The following CCNL2 variants were observed in gnomAD, a reference collection of about 807,000 sequenced individuals.
The protein encoded by CCNL2 is cyclin L2.
CCNL2 carries 28 observed loss-of-function variants against 59.1 expected under a neutral mutation model. That is an observed-to-expected ratio of 0.47 (90% CI 0.35 to 0.65). The LOEUF (loss-of-function observed/expected upper bound fraction) is 0.65, where lower values mean the gene tolerates loss of function less well. CCNL2 is among the 30% of genes least tolerant of loss of function. CCNL2 has a pLI of 0.00. For missense variants in CCNL2, 714 were observed against 717.4 expected (o/e 1.00, Z 0.05); for synonymous variants, 342 against 288.6 (o/e 1.19, Z -1.88).
intron 5 of CCNL2, 60 bp downstream of exon 5, chr1:1,393,336 A>C: frequency 1.4e-6 from 2 of 1,464,236 alleles, no homozygotes; most frequent in Non-Finnish European, 1.9e-6. Context: ...CAAGTGCCTC[A>C]AGTCAACACA....
chr1:1,398,507 G>T, intron 2 of CCNL2, 90 bp downstream of exon 2: 1 of 1,572,528 alleles, frequency 6.4e-7, no homozygotes, highest in Non-Finnish European at 8.7e-7. Flanking sequence ...TGGGGGGCAA[G>T]TACTCACTCC....
intron 3 of CCNL2, among the ~76,000 whole-genome samples, chr1:1,397,892 G>A (rs2100358975): frequency 6.6e-6 from 1 of 152,292 alleles, no homozygotes; most frequent in South Asian, 2.1e-4. Context: ...CAGCCTGAAT[G>A]TCAATAGTGC....
At chr1:1,394,202 A>T (rs1644893295) in intron 4 of CCNL2, among the ~76,000 whole-genome samples, 1 of 152,164 alleles carries the variant, frequency 6.6e-6, no homozygotes, top group South Asian at 2.1e-4. Context: ...AAGCCGAACA[A>T]GCAGATGAGG....
intron 8 of CCNL2, among the ~76,000 whole-genome samples, chr1:1,389,888 G>C (rs1426003959): frequency 6.6e-6 from 1 of 152,168 alleles, no homozygotes; most frequent in Admixed American, 6.5e-5. Flanking sequence ...GAACTCAGGA[G>C]GCGGAGCTTG....
At position 1,390,602 on chromosome 1, in the gene CCNL2, A is replaced by G. The variant is rs750848109; in HGVS notation, c.760-39T>C. 9.0e-6 allele frequency: 14 copies of G among 1,556,506 alleles called. No homozygotes were observed. In the Middle Eastern group the frequency reaches 2.2e-3, roughly 244 times the overall value. The stretch of plus-strand genomic sequence containing the variant: ...CACTATCATCATTACACTTTCCTCA[A>G]CTTCACGGCCAGCAAGACTCAGGAC... On this transcript the variant is annotated intron_variant, in intron 6 of 10. Transcript: ENST00000400809.
Position 1,399,150 on chromosome 1 carries a change from G to A in CCNL2, c.157C>T (p.Leu53Phe). The A allele has an allele frequency of 6.2e-7, 1 of 1,612,290 alleles. No homozygotes were observed. Among genetic ancestry groups the A allele is most frequent in the Non-Finnish European group, 8.5e-7 (1 of 1,179,524 alleles). The change falls in exon 1 of 11, where the codon CTC becomes TTC. Residue 53 changes from leucine (L) to phenylalanine (F), a missense_variant. Physicochemically the swap from Leu to Phe is conservative, Grantham distance 22. This residue lies in a region of CCNL2 where 270 missense variants were observed against 254.9 expected (regional missense o/e 1.06). Transcript: ENST00000400809. ...SGVLITLENC[L>F]LPDDKLRFTP... ...AAACGGAGCTTGTCGTCAGGCAGGA[G>A]GCAGTTCTCCAAGGTGATGAGCACC...
At chr1:1,396,722 G>A (rs1461890568) in intron 3 of CCNL2, among the ~76,000 whole-genome samples, 2 of 151,430 alleles carry the variant, frequency 1.3e-5, no homozygotes, top group African/African-American at 4.9e-5. Flanking sequence ...TGGGATTACA[G>A]GCACCCGCAA....
intron 5 of CCNL2, chr1:1,392,620 G>A: frequency 6.9e-7 from 1 of 1,454,520 alleles, no homozygotes; most frequent in Non-Finnish European, 9.0e-7. Flanking sequence ...GGATTAACAA[G>A]AAGCACAATC....
At chr1:1,395,365 G>C (rs369412224) in intron 4 of CCNL2, 29 bp downstream of exon 4, 2 of 1,612,598 alleles carry the variant, frequency 1.2e-6, no homozygotes, top group Non-Finnish European at 1.7e-6. Flanking sequence ...GGCCTAGGCG[G>C]GCTCGCAGGG....
intron 2 of CCNL2, 119 bp from the exon 3 acceptor site, chr1:1,398,461 G>A (rs1645173924): frequency 6.4e-7 from 1 of 1,565,784 alleles, no homozygotes; most frequent in Admixed American, 2.0e-5. Flanking sequence ...GAAAAAAAAA[G>A]TCAAGAAACA....
chr1:1,391,033 T>C lies in CCNL2; in HGVS notation c.660-168A>G. On this transcript the variant is annotated intron_variant, in intron 5 of 10. Coordinates refer to ENST00000400809, the MANE Select transcript of CCNL2 (RefSeq NM_030937.6). Reference sequence around the variant, plus strand: ...AATCTCAAGAGTTAATGGAGAAATATTCTAGCTGCTTTTTCTAAATACAGT... The same window carrying C: ...AATCTCAAGAGTTAATGGAGAAATACTCTAGCTGCTTTTTCTAAATACAGT... 5.4e-6 allele frequency: 5 copies of C among 928,290 alleles called. No individual in the cohort carries two copies. In the South Asian group the frequency reaches 6.4e-5, roughly 12 times the overall value. The allele number at this position is 928,290 out of a possible 1,614,324, so 57.5% of individuals were successfully genotyped here.
intron 1 of CCNL2, 67 bp from the exon 2 acceptor site, chr1:1,398,738 C>T (rs972485743): frequency 1.4e-6 from 2 of 1,447,576 alleles, no homozygotes; most frequent in Non-Finnish European, 1.9e-6. Context: ...CGAAAGTCAT[C>T]GAGTAACGTG....
intron 4 of CCNL2, 86 bp from the exon 5 acceptor site, chr1:1,393,546 A>G: frequency 1.7e-6 from 2 of 1,192,260 alleles, no homozygotes; most frequent in Non-Finnish European, 2.5e-6. Context: ...AGCAAACAAG[A>G]GCCTCAAGCT....
At chr1:1,391,716 T>C (rs965475638) in intron 5 of CCNL2, 1 of 449,130 alleles carries the variant, frequency 2.2e-6, no homozygotes, top group Non-Finnish European at 3.7e-6. Context: ...TACAAAAATT[T>C]ACATTTTTTA....
At position 1,399,194 on chromosome 1, in the gene CCNL2, C is replaced by T; in HGVS notation, c.113G>A (p.Gly38Glu). The T allele has an allele frequency of 6.2e-7, 1 of 1,609,072 alleles. No homozygotes were observed. The highest frequency in any genetic ancestry group is 1.3e-5 in the African/African-American group (1 of 74,096). The change falls in exon 1 of 11, where the codon GGG (glycine) becomes GAG (glutamate). Residue 38 changes from glycine to glutamate, a missense_variant. Gly to Glu is a moderately conservative substitution (Grantham distance 98, BLOSUM62 -2). Transcript: ENST00000400809. ...GAGCACCCCGGAGTACAGCCTGTCCCCGATCAGCACCCCCTGCGACCCTGA... is the reference window on the plus strand; with the variant it reads ...GAGCACCCCGGAGTACAGCCTGTCCTCGATCAGCACCCCCTGCGACCCTGA... ...APSGSQGVLI[G>E]DRLYSGVLIT...
At chr1:1,391,499 G>C (rs1404004882) in intron 5 of CCNL2, 1 of 1,296,300 alleles carries the variant, frequency 7.7e-7, no homozygotes, top group Non-Finnish European at 1.0e-6. Context: ...CGTGCGGAGG[G>C]AGACTCCGCA....
At chr1:1,398,988 C>T in intron 1 of CCNL2, 31 bp downstream of exon 1, 1 of 1,569,500 alleles carries the variant, frequency 6.4e-7, no homozygotes, top group Non-Finnish European at 8.6e-7. Context: ...CAGCGGTTAC[C>T]TGGGCCGGAG....
rs1017810145 is a variant in CCNL2 at position 1,387,847 on chromosome 1, G to A, written c.1141C>T (p.Arg381Trp). The A allele has an allele frequency of 5.0e-6, 8 of 1,613,588 alleles. No individual in the cohort carries two copies. The highest frequency in any genetic ancestry group is 6.8e-6 in the Non-Finnish European group (8 of 1,179,968). The part of the protein sequence containing the change: ...VNGLPKGRES[R>W]SRSRSREQSY... ...TGCTCACGGCTCCGGCTCCGACTCCGACTCTCTCGCCCCTTTGGCAAGCTG... is the reference window on the plus strand; with the variant it reads ...TGCTCACGGCTCCGGCTCCGACTCCAACTCTCTCGCCCCTTTGGCAAGCTG... The change falls in exon 10 of 11, where the codon CGG becomes TGG. Residue 381 changes from arginine (R) to tryptophan (W), a missense_variant. Around this residue, in one of 5 missense-constraint regions of CCNL2, gnomAD observed 403 missense variants for 377.7 expected, o/e 1.07. Coordinates refer to ENST00000400809, the MANE Select transcript of CCNL2 (RefSeq NM_030937.6).
intron 2 of CCNL2, 72 bp from the exon 3 acceptor site, chr1:1,398,414 G>A: frequency 6.2e-7 from 1 of 1,608,980 alleles, no homozygotes; most frequent in Non-Finnish European, 8.5e-7. Context: ...CCAAAGGCTT[G>A]AGGGCTATTC....
Sources: gnomAD v4.1 joint callset for allele counts (sites outside exome capture counted in the v4.1 genomes callset) on GRCh38, gnomAD v4.1.1 for gene constraint, gnomAD v4.1.1 regional missense constraint, MANE v1.5 for transcripts, NCBI Gene and HGNC (gene_info 2026-07-23, HGNC 2026-07-21) for gene names.